MRPS18A: variants seen among roughly 807,000 people sequenced by gnomAD.
MRPS18A encodes the protein mitochondrial ribosomal protein S18A, also known as large ribosomal subunit protein mL66.
MRPS18A carries 20 observed loss-of-function variants against 22.7 expected under a neutral mutation model. The observed-to-expected ratio is 0.88, with a 90% CI of 0.62 to 1.28. MRPS18A has a LOEUF of 1.28. Among genes scored for constraint, MRPS18A ranks in the 50% most tolerant of loss-of-function variants. MRPS18A has a pLI of 0.00. For synonymous variants in MRPS18A, 106 were observed against 99.1 expected (o/e 1.07, Z -0.41); for missense variants, 294 against 262.6 (o/e 1.12, Z -0.83).
rs1774804657 is a variant in MRPS18A, at chr6:43,687,759, C to A, written c.21G>T (p.Leu7=). MAALKA[L]VSGCGRLLRG... ...GGAGAAGCCGCCCACAGCCGGACAC[C>A]AGAGCCTTGAGGGCCGCCATCTTCA... The change falls in exon 1 of 6, where the codon CTG becomes CTT. Residue 7 remains leucine (L), a synonymous_variant. Transcript: ENST00000372133. 5 of 1,581,194 alleles carry A rather than the reference C, an allele frequency of 3.2e-6. No homozygotes were observed. The Admixed American group carries it at 5.5e-5, about 18-fold the overall frequency.
intron 1 of MRPS18A, 108 bp from the exon 2 acceptor site, chr6:43,681,228 G>A (rs1009774834): frequency 1.5e-5 from 17 of 1,126,768 alleles, no homozygotes; most frequent in Admixed American, 2.0e-5. Flanking sequence ...CCTTCCATCT[G>A]TACTCTCTCA....
At chr6:43,672,188 T>C in intron 5 of MRPS18A, 2 of 522,056 alleles carry the variant, frequency 3.8e-6, no homozygotes, top group Non-Finnish European at 7.2e-6. Context: ...GGTGTGTGTT[T>C]GCTGAGGAAA....
At position 43,673,285 on chromosome 6, in the gene MRPS18A, T is replaced by C. The variant is rs1274565611; in HGVS notation, c.447-1379A>G. The stretch of plus-strand genomic sequence containing the variant: ...TTACAGGTGTGAGGGGACTGCTTTT[T>C]CTATGGTCGGTGGTTCTAGGTGACA... On this transcript the variant is annotated intron_variant, in intron 5 of 5. Transcript: ENST00000372133. The surrounding 1 kb of genome is among the most constrained non-coding windows in gnomAD (Gnocchi z 4.2). Among the ~76,000 whole-genome samples the C allele has an allele frequency of 6.6e-6, 1 of 152,058 alleles. No homozygotes were observed. Among genetic ancestry groups the C allele is most frequent in the Non-Finnish European group, 1.5e-5 (1 of 68,010 alleles).
intron 5 of MRPS18A, 91 bp from the exon 6 acceptor site, chr6:43,671,997 C>T (rs985950308): frequency 3.2e-5 from 44 of 1,396,430 alleles, no homozygotes; most frequent in African/African-American, 1.6e-4. Flanking sequence ...GGCCAGGCCA[C>T]GGTTGGGCAA....
chr6:43,675,756 G>A (rs1774020115), intron 3 of MRPS18A, 139 bp from the exon 4 acceptor site: 2 of 998,144 alleles, frequency 2.0e-6, no homozygotes, highest in Non-Finnish European at 2.8e-6. Context: ...ACAGAGCTTT[G>A]CACATGGGTC....
intron 2 of MRPS18A, 90 bp downstream of exon 2, chr6:43,680,999 T>C: frequency 1.6e-6 from 2 of 1,248,202 alleles, no homozygotes; most frequent in Non-Finnish European, 1.2e-6. Context: ...GAGCTGGGCG[T>C]CCAGTTTGGG....
At position 43,675,518 on chromosome 6, in the gene MRPS18A, A is replaced by C. The variant is rs768724677; in HGVS notation, c.352T>G (p.Cys118Gly). 1 of 1,612,430 alleles carries C rather than the reference A, an allele frequency of 6.2e-7. No individual in the cohort carries two copies. Among genetic ancestry groups the C allele is most frequent in the Non-Finnish European group, 8.5e-7 (1 of 1,179,506 alleles). ...CCTGCTCGGTGGGCCATCTTCACAC[A>C]CTCCTCGATCTTGCGGTGTTCTTCC... ...CQEEHRKIEE[C>G]VKMAHRAGLL... Residue 118 changes from cysteine to glycine, a missense_variant, in exon 4 of 6, where the codon TGT (cysteine) becomes GGT (glycine). By Grantham distance (159) the Cys-to-Gly change is radical (BLOSUM62 -3). Coordinates refer to ENST00000372133, the MANE Select transcript of MRPS18A (RefSeq NM_018135.4).
At chr6:43,682,238 G>A (rs1448827087) in intron 1 of MRPS18A, among the ~76,000 whole-genome samples, 1 of 152,214 alleles carries the variant, frequency 6.6e-6, no homozygotes, top group Non-Finnish European at 1.5e-5. Flanking sequence ...GGTTGAGGCT[G>A]CAGCGAGCCA....
At position 43,673,751 on chromosome 6, in the gene MRPS18A, T is replaced by C. The variant is rs1046880283; in HGVS notation, c.446+1451A>G. ...CAGGCCCCAGCGGAGCCTGGGCCCA[T>C]GCATGGCAGCATTAAACGAGACTCC... On this transcript the variant is annotated intron_variant, in intron 5 of 5. Coordinates refer to ENST00000372133, the MANE Select transcript of MRPS18A (RefSeq NM_018135.4). This position sits in a 1 kb window ranked among gnomAD's most constrained non-coding sequence, Gnocchi z 4.2. Among the ~76,000 whole-genome samples, 12 of 152,216 alleles carry C rather than the reference T, an allele frequency of 7.9e-5. No homozygotes were observed. The highest frequency in any genetic ancestry group is 2.6e-4 in the Admixed American group (4 of 15,284).
chr6:43,677,950 T>C (rs752974872), intron 3 of MRPS18A, among the ~76,000 whole-genome samples: 3 of 152,102 alleles, frequency 2.0e-5, no homozygotes, highest in Non-Finnish European at 2.9e-5. Flanking sequence ...GACAAGGTAA[T>C]GTGTTCCCAG....
At chr6:43,681,539 A>G (rs545029974) in intron 1 of MRPS18A, among the ~76,000 whole-genome samples, 3 of 152,360 alleles carry the variant, frequency 2.0e-5, no homozygotes, top group Admixed American at 6.5e-5. Flanking sequence ...AGAGAATCAG[A>G]TAAGAATGGT....
rs533757601 is a variant in MRPS18A at position 43,678,131 on chromosome 6, C to G, written c.252+387G>C. On this transcript the variant is annotated intron_variant, in intron 3 of 5. Transcript: ENST00000372133. ...CAAACTCAATCAGTGGCTCTCAACC[C>G]TGGTTGCACATTAGAACCACGGGAG... Among the ~76,000 whole-genome samples the G allele has an allele frequency of 2.6e-5, 4 of 152,250 alleles. No homozygotes were observed. The South Asian group carries it at 6.2e-4, about 24-fold the overall frequency.
At chr6:43,674,805 C>T (rs1028023190) in intron 5 of MRPS18A, among the ~76,000 whole-genome samples, 1 of 152,216 alleles carries the variant, frequency 6.6e-6, no homozygotes, top group African/African-American at 2.4e-5. Flanking sequence ...GTGCGACCTG[C>T]ACAGCTGTAT....
intron 5 of MRPS18A, 118 bp downstream of exon 5, chr6:43,675,084 G>C: frequency 1.1e-6 from 1 of 875,796 alleles, no homozygotes; most frequent in Middle Eastern, 3.7e-4. Flanking sequence ...GACTGCAGCA[G>C]GGGTGGACTG....
In MRPS18A at chr6:43,675,518, A is replaced by G. The variant is rs768724677; in HGVS notation, c.352T>C (p.Cys118Arg). The part of the protein sequence containing the change: ...CQEEHRKIEE[C>R]VKMAHRAGLL... The stretch of plus-strand genomic sequence containing the variant: ...CCTGCTCGGTGGGCCATCTTCACAC[A>G]CTCCTCGATCTTGCGGTGTTCTTCC... Residue 118 changes from cysteine to arginine, a missense_variant, in exon 4 of 6, where the codon TGT (cysteine) becomes CGT (arginine). Physicochemically the swap from Cys to Arg is radical, Grantham distance 180. Transcript: ENST00000372133. 1 of 1,612,312 alleles carries G rather than the reference A, an allele frequency of 6.2e-7. No homozygotes were observed. Among genetic ancestry groups the G allele is most frequent in the Admixed American group, 1.7e-5 (1 of 59,872 alleles).
intron 1 of MRPS18A, among the ~76,000 whole-genome samples, chr6:43,682,442 G>A (rs1289691571): frequency 6.6e-6 from 1 of 152,190 alleles, no homozygotes; most frequent in Non-Finnish European, 1.5e-5. Flanking sequence ...GCTTGGAATT[G>A]TCCCTCATTT....
chr6:43,672,901 A>G (rs1454129741), intron 5 of MRPS18A, among the ~76,000 whole-genome samples: 6 of 148,786 alleles, frequency 4.0e-5, no homozygotes, highest in Admixed American at 1.3e-4. Flanking sequence ...CTGGGCAGGG[A>G]TGGGAGGGCC....
In MRPS18A at chr6:43,675,262, G is replaced by A. The variant is rs1012068439; in HGVS notation, c.386C>T (p.Pro129Leu). The A allele has an allele frequency of 7.2e-6, 11 of 1,527,448 alleles. No homozygotes were observed. In the African/African-American group the frequency reaches 1.4e-4, roughly 19 times the overall value. 94.6% of individuals were successfully genotyped at this position (1,527,448 alleles called of 1,614,324 possible). ...TTCAGGAAGCCGAGGCCTGTGATTT[G>A]GTAATAGACCTGAGTGGCGGGGAAG... is the stretch of plus-strand genomic sequence containing the variant. Reference protein sequence around the residue: ...VKMAHRAGLLPNHRPRLPEGV... With the variant: ...VKMAHRAGLLLNHRPRLPEGV... The change falls in exon 5 of 6, where the codon CCA becomes CTA. Residue 129 changes from proline (P) to leucine (L), a missense_variant. By Grantham distance (98) the Pro-to-Leu change is moderately conservative. Transcript: ENST00000372133.
At chr6:43,678,668 G>C (rs371928088) in intron 2 of MRPS18A, 43 bp from the exon 3 acceptor site, 69 of 1,370,488 alleles carry the variant, frequency 5.0e-5, no homozygotes, top group Non-Finnish European at 7.0e-5. Flanking sequence ...GACAGGACCT[G>C]CGTGGAGCCA....
Sources: allele counts gnomAD v4.1 joint callset (sites outside exome capture counted in the v4.1 genomes callset), GRCh38; gene constraint gnomAD v4.1.1; non-coding constraint Gnocchi (gnomAD v3.1); transcripts MANE v1.5; gene names NCBI Gene and HGNC (gene_info 2026-07-23, HGNC 2026-07-21).